BBOF1: variants seen among roughly 807,000 people sequenced by gnomAD.
The protein encoded by BBOF1 is basal body orientation factor 1, also known as basal body-orientation factor 1.
In BBOF1, 62 loss-of-function variants were observed where a neutral mutation model predicts 68.0. That is an observed-to-expected ratio of 0.91 (90% CI 0.74 to 1.13). The LOEUF (loss-of-function observed/expected upper bound fraction) is 1.13, where lower values mean the gene tolerates loss of function less well. Among genes scored for constraint, BBOF1 ranks in the 50% most tolerant of loss-of-function variants. The pLI is 0.00. For synonymous variants in BBOF1, 208 were observed against 198.8 expected, an observed-to-expected ratio of 1.05 and a Z score of -0.39; for missense variants, 534 against 600.1, an observed-to-expected ratio of 0.89 and a Z score of 1.15.
At chr14:74,047,588 C>G (rs973499946) in intron 6 of BBOF1, among the ~76,000 whole-genome samples, 1 of 152,024 alleles carries the variant, frequency 6.6e-6, no homozygotes, top group Non-Finnish European at 1.5e-5. Flanking sequence ...CAGGTGCAAA[C>G]CACCACGTCT....
At chr14:74,050,979 C>T (rs941242547) in intron 8 of BBOF1, among the ~76,000 whole-genome samples, 1 of 151,206 alleles carries the variant, frequency 6.6e-6, no homozygotes, top group Non-Finnish European at 1.5e-5. Context: ...TGTGGTGGCT[C>T]ATACCTGTAA....
At chr14:74,073,813 G>A (rs577545060) in intron 9 of BBOF1, among the ~76,000 whole-genome samples, 50 of 151,410 alleles carry the variant, frequency 3.3e-4, no homozygotes, top group Middle Eastern at 3.4e-3. Context: ...AGCTATTCGG[G>A]AGGTTGAGGC....
intron 2 of BBOF1, among the ~76,000 whole-genome samples, chr14:74,023,432 G>A (rs1346779404): frequency 2.0e-5 from 3 of 152,076 alleles, no homozygotes; most frequent in Non-Finnish European, 4.4e-5. Flanking sequence ...TAAGAGCATG[G>A]TATGTGATCT....
intron 2 of BBOF1, among the ~76,000 whole-genome samples, chr14:74,028,386 A>G (rs1407865748): frequency 6.6e-6 from 1 of 151,780 alleles, no homozygotes; most frequent in Non-Finnish European, 1.5e-5. Flanking sequence ...AGAAAGAAAA[A>G]CAAATAAGGA....
At position 74,065,307 on chromosome 14, in the gene BBOF1, C is replaced by T. The variant is rs745643331; in HGVS notation, c.*608C>T. 3.7e-6 allele frequency: 6 copies of T among 1,614,082 alleles called. No homozygotes were observed. The highest frequency in any genetic ancestry group is 2.2e-5 in the East Asian group (1 of 44,880). On this transcript the variant is annotated 3_prime_UTR_variant, in exon 12 of 12. Coordinates refer to ENST00000394009, the MANE Select transcript of BBOF1 (RefSeq NM_025057.3). The stretch of plus-strand genomic sequence containing the variant: ...TGGCTTCATCCAATGTTTCTGTCTC[C>T]AGAACCACAAGAACTGGACCAAAAA...
intron 3 of BBOF1, among the ~76,000 whole-genome samples, chr14:74,030,825 A>G (rs554535440): frequency 1.7e-4 from 26 of 151,716 alleles, no homozygotes; most frequent in African/African-American, 6.0e-4. Context: ...CCTGTAGAAA[A>G]CCATTTTATT....
chr14:74,068,898 T>C (rs1311769620), downstream of BBOF1: 2 of 1,614,040 alleles, frequency 1.2e-6, no homozygotes, highest in Non-Finnish European at 1.7e-6. Flanking sequence ...CTTGATCCTC[T>C]CTCGAAGATA....
rs760066397 is a variant in BBOF1, at chr14:74,040,552, A to T, written c.496-13A>T. 2.0e-6 allele frequency: 3 copies of T among 1,533,190 alleles called. No individual in the cohort carries two copies. The East Asian group carries it at 6.9e-5, about 35-fold the overall frequency. 95.0% of individuals were successfully genotyped at this position (1,533,190 alleles called of 1,614,324 possible). A position where few individuals can be genotyped will look rare whatever the true frequency, so the allele number is the denominator to read the frequency against. ...TATTGATCATTTTTGTTTGTTTGTTATTTTAATTTTAGCTGAAAGAGAATT... is the reference window on the plus strand; with the variant it reads ...TATTGATCATTTTTGTTTGTTTGTTTTTTTAATTTTAGCTGAAAGAGAATT... On this transcript the variant is annotated splice_polypyrimidine_tract_variant and intron_variant, in intron 4 of 11. Transcript: ENST00000394009.
chr14:74,053,474 C>T (rs1266356521), intron 8 of BBOF1, among the ~76,000 whole-genome samples: 3 of 151,582 alleles, frequency 2.0e-5, no homozygotes, highest in African/African-American at 7.3e-5. Flanking sequence ...GTGGCACCAT[C>T]ATGGCTCACT....
intron 5 of BBOF1, among the ~76,000 whole-genome samples, chr14:74,045,737 T>C (rs2059934537): frequency 1.3e-5 from 2 of 152,230 alleles, no homozygotes; most frequent in South Asian, 2.1e-4. Context: ...TCCTGAGGGC[T>C]ACCATTCCTG....
chr14:74,025,104 T>C (rs887745572), intron 2 of BBOF1, among the ~76,000 whole-genome samples: 6 of 152,166 alleles, frequency 3.9e-5, no homozygotes, highest in Admixed American at 2.0e-4. Context: ...TAATAGTAGG[T>C]ATTATTAAAT....
At chr14:74,064,627 T>C in intron 11 of BBOF1, 61 bp from the exon 12 acceptor site, 1 of 1,553,186 alleles carries the variant, frequency 6.4e-7, no homozygotes, top group Non-Finnish European at 8.9e-7. Context: ...CTTTGTTGCT[T>C]TGAATTATTC....
At chr14:74,031,119 C>CTT (rs71860688) in intron 3 of BBOF1, among the ~76,000 whole-genome samples, 2,168 of 143,504 alleles carry the variant, frequency 0.015, 60 homozygotes, top group African/African-American at 0.05. Flanking sequence ...CTTTTCTTTT[C>CTT]TTTTTTTTTT....
At chr14:74,020,428 T>C (rs1372915317) in intron 1 of BBOF1, among the ~76,000 whole-genome samples, 1 of 152,124 alleles carries the variant, frequency 6.6e-6, no homozygotes, top group Non-Finnish European at 1.5e-5. Flanking sequence ...CATGACCCAT[T>C]GTTTGAGAAA....
At position 74,028,465 on chromosome 14, in the gene BBOF1, AATACACAC is replaced by A. The variant is rs1401657206; in HGVS notation, c.286-717_286-710del. On this transcript the variant is annotated intron_variant, in intron 2 of 11. Transcript: ENST00000394009. Reference sequence around the variant, plus strand: ...TGACATTACCCTTTACCACTAAAGAAATACACACACACACACACACACACACACACACA... The same window carrying A: ...TGACATTACCCTTTACCACTAAAGAAACACACACACACACACACACACACA... 9.4e-5 allele frequency among the ~76,000 whole-genome samples: 10 copies of A among 106,364 alleles called. No homozygotes were observed. In the East Asian group the frequency reaches 2.5e-3, roughly 26 times the overall value. The allele number at this position is 106,364 out of a possible 152,430, so 69.8% of individuals were successfully genotyped here.
At chr14:74,082,001 G>T (rs2060672890) in intron 12 of BBOF1, among the ~76,000 whole-genome samples, 2 of 152,144 alleles carry the variant, frequency 1.3e-5, no homozygotes. Context: ...GAGTTTAAGA[G>T]TTCAAGACCA....
chr14:74,050,256 G>A, intron 8 of BBOF1, 61 bp downstream of exon 8: 2 of 1,496,550 alleles, frequency 1.3e-6, no homozygotes, highest in Non-Finnish European at 1.8e-6. Context: ...TACAGAAAGA[G>A]GAAGTCTGAA....
chr14:74,071,953 T>C, intron 9 of BBOF1: 1 of 1,614,168 alleles, frequency 6.2e-7, no homozygotes, highest in Non-Finnish European at 8.5e-7. Context: ...TGTTCCAATG[T>C]GATTAACTTG....
At chr14:74,023,277 CTGTT>C (rs1244031038) in intron 2 of BBOF1, 133 bp downstream of exon 2, 2 of 525,118 alleles carry the variant, frequency 3.8e-6, no homozygotes, top group South Asian at 3.5e-5. Flanking sequence ...GACCTTAACT[CTGTT>C]TGAAGCAAGA....
Sources: allele counts gnomAD v4.1 joint callset (sites outside exome capture counted in the v4.1 genomes callset), GRCh38; gene constraint gnomAD v4.1.1; transcripts MANE v1.5; gene names NCBI Gene and HGNC (gene_info 2026-07-23, HGNC 2026-07-21).